Variants in HEATR5A observed in about 807,000 individuals in gnomAD.
HEATR5A encodes HEAT repeat containing 5A, also known as HEAT repeat-containing protein 5A.
Under a neutral mutation model 218.8 loss-of-function variants are expected in HEATR5A, and 178 were observed. The observed-to-expected ratio is 0.81, with a 90% CI of 0.72 to 0.92. The LOEUF is 0.92. Among genes scored for constraint, HEATR5A ranks in the 40% least tolerant of loss-of-function variants. HEATR5A has a pLI of 0.00. For missense variants in HEATR5A, 2,420 were observed against 2,418.9 expected (o/e 1.00, Z -0.01); for synonymous variants, 864 against 871.6 (o/e 0.99, Z 0.15).
chr14:31,380,318 T>A (rs4981841), intron 11 of HEATR5A, 149 bp downstream of exon 11: 172,118 of 559,878 alleles, frequency 0.31, 30,597 homozygotes, highest in Non-Finnish European at 0.38. Context: ...AAAGGCTTTT[T>A]AAGGTGACTA....
chr14:31,346,531 G>C (rs938781167), intron 19 of HEATR5A, among the ~76,000 whole-genome samples: 12 of 152,002 alleles, frequency 7.9e-5, no homozygotes, highest in African/African-American at 2.7e-4. Context: ...GGAGAGAAGA[G>C]AAAAAGAAAA....
chr14:31,299,325 C>T (rs1049588399), intron 33 of HEATR5A, among the ~76,000 whole-genome samples: 1 of 152,192 alleles, frequency 6.6e-6, no homozygotes, highest in Non-Finnish European at 1.5e-5. Flanking sequence ...TTTGTCCATA[C>T]TATTATTATC....
At chr14:31,302,549 G>A in intron 32 of HEATR5A, 30 bp from the exon 33 acceptor site, 1 of 1,388,988 alleles carries the variant, frequency 7.2e-7, no homozygotes. Context: ...AAAACACACT[G>A]GATTTCAACC....
At chr14:31,330,750 C>T (rs1900437766) in intron 22 of HEATR5A, among the ~76,000 whole-genome samples, 1 of 151,438 alleles carries the variant, frequency 6.6e-6, no homozygotes, top group Admixed American at 6.6e-5. Context: ...AAGATTGCGC[C>T]ACTGTGCTCC....
chr14:31,356,909 G>C (rs963607468), intron 16 of HEATR5A, among the ~76,000 whole-genome samples: 27 of 152,138 alleles, frequency 1.8e-4, no homozygotes, highest in Non-Finnish European at 5.9e-5. Context: ...TTTAAGAACA[G>C]GCTTAATTTA....
chr14:31,304,826 G>T, intron 32 of HEATR5A, 79 bp downstream of exon 32: 1 of 1,417,936 alleles, frequency 7.1e-7, no homozygotes, highest in Non-Finnish European at 9.6e-7. Flanking sequence ...AAAAGAAAAA[G>T]ATTAGCAACT....
chr14:31,367,155 G>A (rs958669896), intron 13 of HEATR5A, among the ~76,000 whole-genome samples: 1 of 151,978 alleles, frequency 6.6e-6, no homozygotes, highest in African/African-American at 2.4e-5. Flanking sequence ...ATTTTTATAC[G>A]GCAGCAATAA....
intron 21 of HEATR5A, among the ~76,000 whole-genome samples, chr14:31,343,349 A>G (rs571544714): frequency 1.0e-3 from 152 of 152,268 alleles, no homozygotes; most frequent in African/African-American, 3.6e-3. Flanking sequence ...GATTACAGGC[A>G]TGAGCCACTG....
intron 11 of HEATR5A, among the ~76,000 whole-genome samples, chr14:31,379,919 C>G (rs559764739): frequency 1.3e-5 from 2 of 152,278 alleles, no homozygotes; most frequent in East Asian, 3.9e-4. Flanking sequence ...GATCATGCCA[C>G]TGCACTCCAG....
intron 21 of HEATR5A, among the ~76,000 whole-genome samples, chr14:31,341,532 A>G (rs1292938578): frequency 1.3e-5 from 2 of 151,988 alleles, no homozygotes; most frequent in Non-Finnish European, 2.9e-5. Context: ...TAGTAGTGGG[A>G]CTACAGGTGC....
At chr14:31,315,073 TGA>T (rs1899872926) in intron 27 of HEATR5A, among the ~76,000 whole-genome samples, 1 of 152,076 alleles carries the variant, frequency 6.6e-6, no homozygotes, top group South Asian at 2.1e-4. Context: ...CTTGGGAGGT[TGA>T]GACACGAGAA....
chr14:31,400,154 A>T, intron 3 of HEATR5A, 147 bp downstream of exon 3: 1 of 538,714 alleles, frequency 1.9e-6, no homozygotes, highest in Non-Finnish European at 3.2e-6. Context: ...GAAAAGTGTT[A>T]GTTTCTTTTT....
intron 4 of HEATR5A, among the ~76,000 whole-genome samples, chr14:31,397,792 A>G (rs544960864): frequency 1.3e-5 from 2 of 152,248 alleles, no homozygotes; most frequent in East Asian, 3.9e-4. Context: ...CCGAGGGGCT[A>G]GAACTACAGG....
chr14:31,416,117 A>ATTTTTG (rs1555372856), intron 1 of HEATR5A, among the ~76,000 whole-genome samples: 1 of 151,500 alleles, frequency 6.6e-6, no homozygotes, highest in Non-Finnish European at 1.5e-5. Flanking sequence ...TGCCTGGCTA[A>ATTTTTG]TTTTTGTTTT....
At chr14:31,393,734 C>T (rs2030543046) in intron 6 of HEATR5A, among the ~76,000 whole-genome samples, 1 of 152,064 alleles carries the variant, frequency 6.6e-6, no homozygotes, top group Non-Finnish European at 1.5e-5. Flanking sequence ...CAGCTCACTA[C>T]AACCTCTGCC....
At chr14:31,302,750 A>G (rs1899426671) in intron 32 of HEATR5A, 1 of 473,564 alleles carries the variant, frequency 2.1e-6, no homozygotes, top group African/African-American at 2.0e-5. Flanking sequence ...TTGTGTGAGT[A>G]TCATTATGCT....
chr14:31,313,947 ATTTTAT>A (rs1899836038), intron 27 of HEATR5A, among the ~76,000 whole-genome samples: 1 of 151,882 alleles, frequency 6.6e-6, no homozygotes, highest in Non-Finnish European at 1.5e-5. Context: ...AGTCTATTTT[ATTTTAT>A]TTTTATTTTT....
intron 32 of HEATR5A, among the ~76,000 whole-genome samples, chr14:31,304,101 C>CAT (rs1308475641): frequency 6.6e-6 from 1 of 152,050 alleles, no homozygotes; most frequent in Non-Finnish European, 1.5e-5. Flanking sequence ...CCTAACTACT[C>CAT]AGGAGGCCAA....
At position 31,305,188 on chromosome 14, in the gene HEATR5A, G is replaced by T; in HGVS notation, c.4967-11C>A. On this transcript the variant is annotated splice_polypyrimidine_tract_variant and intron_variant, in intron 31 of 35. Transcript: ENST00000543095. ...CAGCCCCATCATCAACTAAAAGAAA[G>T]AATAGTGTTTAATACTTTGTGCTTG... 6.2e-7 allele frequency: 1 copy of T among 1,610,540 alleles called. No individual in the cohort carries two copies. Among genetic ancestry groups the T allele is most frequent in the Non-Finnish European group, 8.5e-7 (1 of 1,179,272 alleles).
Sources: allele counts gnomAD v4.1 joint callset (sites outside exome capture counted in the v4.1 genomes callset), GRCh38; gene constraint gnomAD v4.1.1; transcripts MANE v1.5; gene names NCBI Gene and HGNC (gene_info 2026-07-23, HGNC 2026-07-21).